The following ADGRD1 variants were observed in gnomAD, a reference collection of about 807,000 sequenced individuals.
The protein encoded by ADGRD1 is G-protein coupled receptor 133.
ADGRD1 carries 77 observed loss-of-function variants against 113.4 expected under a neutral mutation model. That is an observed-to-expected ratio of 0.68 (90% CI 0.57 to 0.82). ADGRD1 has a LOEUF of 0.82. ADGRD1 is among the 40% of genes least tolerant of loss of function. ADGRD1 has a pLI of 0.00. For missense variants in ADGRD1, 1,036 were observed against 1,139.1 expected, an observed-to-expected ratio of 0.91 and a Z score of 1.30; for synonymous variants, 474 against 475.0, an observed-to-expected ratio of 1.00 and a Z score of 0.03.
intron 9 of ADGRD1, chr12:131,002,527 C>T: frequency 1.0e-6 from 1 of 993,924 alleles, no homozygotes. Flanking sequence ...GCAGTGAAGG[C>T]AGAGCTCACT....
chr12:131,053,864 A>G (rs1883624444), intron 13 of ADGRD1, among the ~76,000 whole-genome samples: 1 of 152,218 alleles, frequency 6.6e-6, no homozygotes, highest in Non-Finnish European at 1.5e-5. Context: ...CCACCAGTGT[A>G]GTAGACGTAA....
intron 13 of ADGRD1, among the ~76,000 whole-genome samples, chr12:131,074,042 A>G (rs1329396710): frequency 6.6e-6 from 1 of 152,230 alleles, no homozygotes; most frequent in African/African-American, 2.4e-5. Context: ...TTTCTAAACA[A>G]GGGGCATTAA....
At chr12:131,046,129 A>AGTGCTCCCTCTCTGCTCG (rs1413401987) in intron 13 of ADGRD1, among the ~76,000 whole-genome samples, 37 of 137,814 alleles carry the variant, frequency 2.7e-4, no homozygotes, top group African/African-American at 7.4e-4. Context: ...CTCCCTGGTC[A>AGTGCTCCCTCTCTGCTCG]GTGCTCCCTC....
chr12:131,022,033 C>T lies in ADGRD1; in HGVS notation c.1473+7693C>T, dbSNP rs139566041. On this transcript the variant is annotated intron_variant, in intron 13 of 24. Coordinates refer to ENST00000261654, the MANE Select transcript of ADGRD1 (RefSeq NM_198827.5). The surrounding 1 kb of genome is among the most constrained non-coding windows in gnomAD (Gnocchi z 4.6). The stretch of plus-strand genomic sequence containing the variant: ...TCTCTTCTTATAAGGATACTGGTCA[C>T]GTTGGATTAGGGCCTACTCTAATGA... Among the ~76,000 whole-genome samples, 1,752 of 152,198 alleles carry T rather than the reference C, an allele frequency of 0.012. 32 individuals are homozygous for T. The highest frequency in any genetic ancestry group is 0.037 in the African/African-American group (1,522 of 41,526).
At chr12:130,956,390 T>C (rs7307939) in intron 2 of ADGRD1, 58,456 of 152,164 alleles carry the variant, frequency 0.38, 11,340 homozygotes, top group Middle Eastern at 0.47. Flanking sequence ...TTTAAAAAGG[T>C]GTGGAAGCTG....
intron 20 of ADGRD1, among the ~76,000 whole-genome samples, chr12:131,123,756 G>A (rs1446639189): frequency 7.3e-5 from 11 of 151,326 alleles, no homozygotes; most frequent in East Asian, 2.0e-4. Flanking sequence ...CGGGAGGCGG[G>A]TCTTGCAGTG....
In ADGRD1 at chr12:131,076,794, A is replaced by C; in HGVS notation, c.1474-7A>C. 6.2e-7 allele frequency: 1 copy of C among 1,613,658 alleles called. No individual in the cohort carries two copies. The highest frequency in any genetic ancestry group is 1.3e-5 in the African/African-American group (1 of 74,998). ...TCATGCATCGTGTTTGCTTTCTTTCATTTCAGACACGTAAGCAGCACAGTG... is the reference window on the plus strand; with the variant it reads ...TCATGCATCGTGTTTGCTTTCTTTCCTTTCAGACACGTAAGCAGCACAGTG... On this transcript the variant is annotated splice_region_variant and splice_polypyrimidine_tract_variant and intron_variant, in intron 13 of 24. Coordinates refer to ENST00000261654, the MANE Select transcript of ADGRD1 (RefSeq NM_198827.5).
intron 2 of ADGRD1, among the ~76,000 whole-genome samples, chr12:130,958,344 C>T (rs930399356): frequency 1.3e-5 from 2 of 151,942 alleles, no homozygotes; most frequent in Non-Finnish European, 2.9e-5. Flanking sequence ...GGACTACAGG[C>T]GCCCGTGACC....
intron 23 of ADGRD1, chr12:131,137,810 GCCCGCCCGCCCA>G: frequency 6.2e-6 from 1 of 160,660 alleles, no homozygotes; most frequent in Non-Finnish European, 1.3e-5. Flanking sequence ...AGCCATGGAA[GCCCGCCCGCCCA>G]CCCGCCTGCC....
intron 13 of ADGRD1, among the ~76,000 whole-genome samples, chr12:131,045,339 C>T (rs1262511313): frequency 6.6e-6 from 1 of 152,212 alleles, no homozygotes; most frequent in Non-Finnish European, 1.5e-5. Context: ...CTCGTCTTCT[C>T]CCGAAACCTG....
chr12:131,084,909 C>T lies in ADGRD1; in HGVS notation c.1671+246C>T, dbSNP rs570524776. ...ATCGAGTCCAGTGTGGTGTGCTTCG[C>T]ACAGCAACGCCCAGACTGCACCTGG... is the stretch of plus-strand genomic sequence containing the variant. On this transcript the variant is annotated intron_variant, in intron 15 of 24. Coordinates refer to ENST00000261654, the MANE Select transcript of ADGRD1 (RefSeq NM_198827.5). The surrounding 1 kb of genome is among the most constrained non-coding windows in gnomAD (Gnocchi z 4.5). Among the ~76,000 whole-genome samples the T allele has an allele frequency of 5.3e-5, 8 of 152,326 alleles. No individual in the cohort carries two copies. The East Asian group carries it at 1.4e-3, about 26-fold the overall frequency.
At chr12:131,029,045 A>T (rs1041579476) in intron 13 of ADGRD1, among the ~76,000 whole-genome samples, 1 of 152,212 alleles carries the variant, frequency 6.6e-6, no homozygotes, top group Admixed American at 6.5e-5. Flanking sequence ...GTTGTCATTC[A>T]TAGCTGCGTA....
At chr12:131,115,424 A>G (rs1370326734) in intron 18 of ADGRD1, among the ~76,000 whole-genome samples, 1 of 152,174 alleles carries the variant, frequency 6.6e-6, no homozygotes, top group African/African-American at 2.4e-5. Context: ...CGTGTGGGGC[A>G]TCTGGAAATA....
At chr12:131,015,895 A>G (rs1360106668) in intron 13 of ADGRD1, among the ~76,000 whole-genome samples, 3 of 152,188 alleles carry the variant, frequency 2.0e-5, no homozygotes, top group African/African-American at 7.2e-5. Flanking sequence ...CTACTTACCT[A>G]TTCAAAGACC....
rs1229703244 is a variant in ADGRD1, at chr12:131,141,257, C to G, written c.*1994C>G. On this transcript the variant is annotated 3_prime_UTR_variant, in exon 25 of 25. Transcript: ENST00000261654. ...AAGTAATGAACAAAACCTGTCTAAA[C>G]CTTTTGTTTCCAATGAATGAAAGTC... 6.6e-6 allele frequency: 1 copy of G among 152,170 alleles called. No individual in the cohort carries two copies. The highest frequency in any genetic ancestry group is 1.5e-5 in the Non-Finnish European group (1 of 68,030). The allele number at this position is 152,170 out of a possible 1,614,324, so 9.4% of individuals were successfully genotyped here.
At position 130,971,971 on chromosome 12, in the gene ADGRD1, G is replaced by C. The variant is rs1411554707; in HGVS notation, c.310+391G>C. Among the ~76,000 whole-genome samples the C allele has an allele frequency of 6.6e-6, 1 of 152,212 alleles. No homozygotes were observed. Among genetic ancestry groups the C allele is most frequent in the African/African-American group, 2.4e-5 (1 of 41,440 alleles). On this transcript the variant is annotated intron_variant, in intron 4 of 24. Transcript: ENST00000261654. The surrounding 1 kb of genome is among the most constrained non-coding windows in gnomAD (Gnocchi z 4.2). ...TTTCTGGCTCTGGGATGTTGACGGTGAGCGGGCAGGGCATACCCAAGAACA... is the reference window on the plus strand; with the variant it reads ...TTTCTGGCTCTGGGATGTTGACGGTCAGCGGGCAGGGCATACCCAAGAACA...
chr12:131,101,141 T>C (rs1159769254), intron 15 of ADGRD1, among the ~76,000 whole-genome samples: 1 of 151,956 alleles, frequency 6.6e-6, no homozygotes, highest in Non-Finnish European at 1.5e-5. Context: ...CCGAGAGTGA[T>C]ATGCATCCCT....
At chr12:131,053,511 G>A (rs2137053003) in intron 13 of ADGRD1, among the ~76,000 whole-genome samples, 1 of 152,314 alleles carries the variant, frequency 6.6e-6, no homozygotes, top group South Asian at 2.1e-4. Context: ...GAGAATGACA[G>A]GTGATCATTT....
chr12:131,020,920 A>C (rs1051003718), intron 13 of ADGRD1, among the ~76,000 whole-genome samples: 1 of 152,192 alleles, frequency 6.6e-6, no homozygotes, highest in Non-Finnish European at 1.5e-5. Context: ...GCAGCCCAGA[A>C]TTTGGGCTTT....
Sources: allele counts gnomAD v4.1 joint callset (sites outside exome capture counted in the v4.1 genomes callset), GRCh38; gene constraint gnomAD v4.1.1; non-coding constraint Gnocchi (gnomAD v3.1); transcripts MANE v1.5; gene names NCBI Gene and HGNC (gene_info 2026-07-23, HGNC 2026-07-21).